DNAH14: variants seen among roughly 807,000 people sequenced by gnomAD.
The protein encoded by DNAH14 is dynein axonemal heavy chain 14, also known as axonemal beta dynein heavy chain 14.
In DNAH14, 478 loss-of-function variants were observed where a neutral mutation model predicts 520.9. That is an observed-to-expected ratio of 0.92 (90% CI 0.85 to 0.99). DNAH14 has a LOEUF of 0.99. Among genes scored for constraint, DNAH14 ranks in the 50% least tolerant of loss-of-function variants. DNAH14 has a pLI of 0.00. For synonymous variants in DNAH14, 1,581 were observed against 1,757.2 expected, an observed-to-expected ratio of 0.90 and a Z score of 2.51; for missense variants, 4,831 against 5,234.5, an observed-to-expected ratio of 0.92 and a Z score of 2.38.
chr1:225,127,147 A>G (rs2077811251), intron 27 of DNAH14, among the ~76,000 whole-genome samples: 1 of 152,212 alleles, frequency 6.6e-6, no homozygotes, highest in African/African-American at 2.4e-5. Flanking sequence ...CAATTTTGGA[A>G]TAAGTGCAGT....
rs1381900052 is a variant in DNAH14, at chr1:225,206,119, A to G, written c.6126A>G (p.Glu2042=). 1 of 1,551,508 alleles carries G rather than the reference A, an allele frequency of 6.4e-7. No individual in the cohort carries two copies. ...CTAATAAAATAAGAGTGATTTTTGA[A>G]GTGGACAATCTCTCTCAGGCCAGTC... The part of the protein sequence containing the change: ...ALTNKIRVIF[E]VDNLSQASPA... The change falls in exon 40 of 86, where the codon GAA becomes GAG. Residue 2042 remains glutamate (E), a synonymous_variant. Coordinates refer to ENST00000682510, the MANE Select transcript of DNAH14 (RefSeq NM_001367479.1).
At chr1:225,084,582 G>A (rs80035399) in intron 20 of DNAH14, among the ~76,000 whole-genome samples, 2,054 of 152,074 alleles carry the variant, frequency 0.014, 19 homozygotes, top group Non-Finnish European at 0.022. Flanking sequence ...AGTAAATTAA[G>A]AGCAAGAGCT....
At chr1:225,251,428 C>G (rs1001694922) in intron 43 of DNAH14, among the ~76,000 whole-genome samples, 7 of 152,078 alleles carry the variant, frequency 4.6e-5, no homozygotes, top group Non-Finnish European at 8.8e-5. Context: ...CCCACCTTGG[C>G]CTCCCAAAGT....
Position 225,117,748 on chromosome 1 carries a change from T to C in DNAH14, c.3932T>C (p.Leu1311Pro). 1 of 1,551,100 alleles carries C rather than the reference T, an allele frequency of 6.4e-7. No homozygotes were observed. The highest frequency in any genetic ancestry group is 8.7e-7 in the Non-Finnish European group (1 of 1,146,874). The change falls in exon 24 of 86, where the codon CTT (leucine) becomes CCT (proline). Residue 1311 changes from leucine (L) to proline (P), a missense_variant. Physicochemically the swap from Leu to Pro is moderately conservative, Grantham distance 98. Transcript: ENST00000682510. ...TACTTTCTTAGCAATGCCGAGCTTC[T>C]TGATATTCTAGCTGATAGCAGAAAT... Reference protein sequence around the residue: ...RFYFLSNAELLDILADSRNPE... With the variant: ...RFYFLSNAELPDILADSRNPE...
chr1:225,170,038 G>T (rs1038344579), intron 36 of DNAH14, among the ~76,000 whole-genome samples: 4 of 152,148 alleles, frequency 2.6e-5, no homozygotes, highest in African/African-American at 9.7e-5. Context: ...AAGTGAAGGA[G>T]AAATAAAATC....
intron 12 of DNAH14, among the ~76,000 whole-genome samples, chr1:225,039,102 C>T (rs1304284058): frequency 6.6e-6 from 1 of 152,066 alleles, no homozygotes; most frequent in Non-Finnish European, 1.5e-5. Context: ...AGTGGGCATA[C>T]CAAATTCTCT....
At chr1:225,317,581 A>T (rs1345550440) in intron 60 of DNAH14, among the ~76,000 whole-genome samples, 1 of 152,144 alleles carries the variant, frequency 6.6e-6, no homozygotes, top group Non-Finnish European at 1.5e-5. Flanking sequence ...TTTAAAACCC[A>T]GGAATTCTGA....
At chr1:224,973,770 C>T (rs1172022101) in intron 7 of DNAH14, among the ~76,000 whole-genome samples, 1 of 151,984 alleles carries the variant, frequency 6.6e-6, no homozygotes, top group Non-Finnish European at 1.5e-5. Flanking sequence ...AATATGAAGT[C>T]TCTTTTCGAA....
intron 23 of DNAH14, among the ~76,000 whole-genome samples, chr1:225,105,945 A>G (rs2076007785): frequency 7.1e-6 from 1 of 140,786 alleles, no homozygotes; most frequent in Non-Finnish European, 1.5e-5. Context: ...TTAGCTGGTT[A>G]TTTTGCTCTT....
At chr1:225,052,923 G>C (rs769283655) in intron 17 of DNAH14, among the ~76,000 whole-genome samples, 1 of 152,134 alleles carries the variant, frequency 6.6e-6, no homozygotes, top group African/African-American at 2.4e-5. Context: ...CAGGGACATA[G>C]GATGCTTCTA....
At position 225,056,923 on chromosome 1, in the gene DNAH14, G is replaced by A. The variant is rs151164660; in HGVS notation, c.2424+5128G>A. 7.1e-3 allele frequency among the ~76,000 whole-genome samples: 1,079 copies of A among 152,270 alleles called. 8 individuals are homozygous for A. The highest frequency in any genetic ancestry group is 0.024 in the African/African-American group (1,007 of 41,552). ...TTTGGTACCAGTACCATGCTGTTTC[G>A]GTTACTGTAGCCTTGTAGTATAGTT... On this transcript the variant is annotated intron_variant, in intron 17 of 85. Coordinates refer to ENST00000682510, the MANE Select transcript of DNAH14 (RefSeq NM_001367479.1).
intron 42 of DNAH14, among the ~76,000 whole-genome samples, chr1:225,240,080 C>G (rs625846): frequency 0.32 from 48,649 of 151,922 alleles, 9,067 homozygotes; most frequent in East Asian, 0.61. Flanking sequence ...TCAACCTCTA[C>G]GACTTGGTTG....
chr1:225,055,691 C>A (rs776085862), intron 17 of DNAH14, among the ~76,000 whole-genome samples: 2 of 141,774 alleles, frequency 1.4e-5, no homozygotes, highest in Non-Finnish European at 1.5e-5. Context: ...CCCCCCTCCC[C>A]CACCACACAA....
At chr1:224,940,792 G>A (rs1274117645) in intron 1 of DNAH14, among the ~76,000 whole-genome samples, 2 of 151,790 alleles carry the variant, frequency 1.3e-5, no homozygotes, top group Admixed American at 6.6e-5. Flanking sequence ...CCTTGCGATA[G>A]TTTGCTGAGA....
intron 23 of DNAH14, among the ~76,000 whole-genome samples, chr1:225,101,110 T>A (rs2075407520): frequency 2.0e-5 from 3 of 152,020 alleles, no homozygotes; most frequent in African/African-American, 7.2e-5. Flanking sequence ...AACTTTTGAG[T>A]GCCCAGGTTC....
chr1:225,082,792 T>C, intron 20 of DNAH14, 53 bp downstream of exon 20: 1 of 1,419,800 alleles, frequency 7.0e-7, no homozygotes, highest in Non-Finnish European at 9.6e-7. Context: ...GATGGGCCAA[T>C]TTTAAATAGG....
intron 37 of DNAH14, among the ~76,000 whole-genome samples, chr1:225,188,470 A>C (rs1295214209): frequency 6.6e-6 from 1 of 151,908 alleles, no homozygotes; most frequent in African/African-American, 2.4e-5. Context: ...CTAATTTCTA[A>C]AACTTTATCA....
At chr1:225,002,415 G>A (rs2063833749) in intron 8 of DNAH14, among the ~76,000 whole-genome samples, 1 of 151,992 alleles carries the variant, frequency 6.6e-6, no homozygotes, top group Non-Finnish European at 1.5e-5. Context: ...CCTATAATTG[G>A]GAGAAAAGTA....
At chr1:225,356,346 C>T (rs1195138072) in intron 73 of DNAH14, among the ~76,000 whole-genome samples, 5 of 152,190 alleles carry the variant, frequency 3.3e-5, no homozygotes, top group African/African-American at 1.2e-4. Flanking sequence ...CAGTGCACTA[C>T]AGTCTTCACT....
Sources: gnomAD v4.1 joint callset for allele counts (sites outside exome capture counted in the v4.1 genomes callset) on GRCh38, gnomAD v4.1.1 for gene constraint, MANE v1.5 for transcripts, NCBI Gene and HGNC (gene_info 2026-07-23, HGNC 2026-07-21) for gene names.